MIA2: variants seen among roughly 807,000 people sequenced by gnomAD.
The protein encoded by MIA2 is MIA SH3 domain ER export factor 2.
Under a neutral mutation model 167.8 loss-of-function variants are expected in MIA2, and 127 were observed. That is an observed-to-expected ratio of 0.76 (90% confidence interval 0.66 to 0.88). MIA2 has a LOEUF of 0.88. Among genes scored for constraint, MIA2 ranks in the 40% least tolerant of loss-of-function variants. The probability of loss-of-function intolerance (pLI) is 0.00; values close to 1 mark genes in which losing one functional copy is unlikely to be tolerated. For missense variants in MIA2, 1,690 were observed against 1,624.7 expected (o/e 1.04, Z -0.69); for synonymous variants, 552 against 541.9 (o/e 1.02, Z -0.26).
In MIA2 at chr14:39,237,501, A is replaced by G. The variant is rs1299795767; in HGVS notation, c.249+446A>G. Among the ~76,000 whole-genome samples, 4 of 152,174 alleles carry G rather than the reference A, an allele frequency of 2.6e-5. No individual in the cohort carries two copies. The East Asian group carries it at 7.7e-4, about 29-fold the overall frequency. On this transcript the variant is annotated intron_variant, in intron 2 of 28. Transcript: ENST00000640607. ...ACGGTGTATATATTAAGAACCCTTA[A>G]TGTATTTAAACAAACAAAAATGATC... is the stretch of plus-strand genomic sequence containing the variant.
At chr14:39,376,081 G>C (rs901823283) in intron 23 of MIA2, among the ~76,000 whole-genome samples, 1 of 152,254 alleles carries the variant, frequency 6.6e-6, no homozygotes, top group East Asian at 1.9e-4. Context: ...AGCCTCCTGA[G>C]TAGCTGGGAT....
intron 23 of MIA2, among the ~76,000 whole-genome samples, chr14:39,360,697 TG>T (rs1415178704): frequency 6.6e-6 from 1 of 152,212 alleles, no homozygotes; most frequent in Non-Finnish European, 1.5e-5. Context: ...TTTTGTTACC[TG>T]TGCTTTTGAA....
chr14:39,348,679 G>T lies in MIA2; in HGVS notation c.3838-64G>T, dbSNP rs1430943925. 7 of 1,589,952 alleles carry T rather than the reference G, an allele frequency of 4.4e-6. No individual in the cohort carries two copies. The East Asian group carries it at 1.6e-4, about 36-fold the overall frequency. ...TCTAGATGATTTCTTCTAAGCCTGA[G>T]ATTTTCGGGAAAATGATTGCAAATT... On this transcript the variant is annotated intron_variant, in intron 27 of 28. Transcript: ENST00000640607.
chr14:39,253,644 G>GA (rs554288187), intron 6 of MIA2: 85,356 of 144,502 alleles, frequency 0.59, 26,081 homozygotes, highest in African/African-American at 0.81. Flanking sequence ...TCTTAAAAAA[G>GA]AAAAAAAAAA....
chr14:39,311,709 C>G (rs1334548428), intron 18 of MIA2, among the ~76,000 whole-genome samples: 1 of 151,420 alleles, frequency 6.6e-6, no homozygotes, highest in Admixed American at 6.6e-5. Flanking sequence ...AGGCTGGTCT[C>G]AAACTCCTGA....
intron 6 of MIA2, chr14:39,265,644 T>G: frequency 2.4e-6 from 1 of 410,044 alleles, no homozygotes; most frequent in Non-Finnish European, 4.3e-6. Flanking sequence ...GTTTTTTTTT[T>G]GTTTTTGTTT....
Position 39,288,470 on chromosome 14 carries a change from TATA to T in MIA2, c.2131-2548_2131-2546del, listed in dbSNP as rs1179061791. Among the ~76,000 whole-genome samples the T allele has an allele frequency of 2.5e-3, 103 of 41,598 alleles. 2 individuals are homozygous for T. Among genetic ancestry groups the T allele is most frequent in the African/African-American group, 8.2e-3 (55 of 6,734 alleles). 27.3% of individuals were successfully genotyped at this position (41,598 alleles called of 152,430 possible). A position where few individuals can be genotyped will look rare whatever the true frequency, so the allele number is the denominator to read the frequency against. ...ATATATATATATATATATATATATA[TATA>T]TATTTTTTTTTTTTTTTTTGAGACG... On this transcript the variant is annotated intron_variant, in intron 9 of 28. Coordinates refer to ENST00000640607, the MANE Select transcript of MIA2 (RefSeq NM_001329214.4).
At chr14:39,276,877 A>G in intron 6 of MIA2, 57 bp from the exon 7 acceptor site, 1 of 1,585,470 alleles carries the variant, frequency 6.3e-7, no homozygotes. Flanking sequence ...CTATGTTTGT[A>G]ATCAATATTT....
At chr14:39,385,846 C>T (rs1358341440) in intron 23 of MIA2, 5 of 965,226 alleles carry the variant, frequency 5.2e-6, no homozygotes, top group Admixed American at 3.4e-5. Flanking sequence ...CCCTTGTCCT[C>T]GACCTCTCCC....
chr14:39,344,889 C>G (rs2072879112), intron 25 of MIA2, among the ~76,000 whole-genome samples: 1 of 152,080 alleles, frequency 6.6e-6, no homozygotes, highest in African/African-American at 2.4e-5. Context: ...ACCGCAATTA[C>G]TTTTGCACCA....
At chr14:39,385,233 C>T (rs142912388) in intron 23 of MIA2, among the ~76,000 whole-genome samples, 2 of 152,288 alleles carry the variant, frequency 1.3e-5, no homozygotes, top group Non-Finnish European at 2.9e-5. Flanking sequence ...ACAAAACCAA[C>T]ACCCATGTCA....
At chr14:39,256,544 A>G (rs1594708104) in intron 6 of MIA2, among the ~76,000 whole-genome samples, 1 of 152,162 alleles carries the variant, frequency 6.6e-6, no homozygotes, top group African/African-American at 2.4e-5. Flanking sequence ...AAGTGATTCC[A>G]TCACATCAAA....
chr14:39,331,478 G>T (rs567801931), intron 25 of MIA2, among the ~76,000 whole-genome samples: 1 of 152,290 alleles, frequency 6.6e-6, no homozygotes, highest in African/African-American at 2.4e-5. Flanking sequence ...ATTGTTATGT[G>T]TGAATTTGAT....
chr14:39,351,886 C>T (rs894865575), downstream of MIA2, among the ~76,000 whole-genome samples: 1 of 152,130 alleles, frequency 6.6e-6, no homozygotes, highest in Non-Finnish European at 1.5e-5. Flanking sequence ...GGATTACAGG[C>T]GTGAGCCACC....
chr14:39,271,155 C>T (rs1022695154), intron 6 of MIA2, among the ~76,000 whole-genome samples: 1 of 152,088 alleles, frequency 6.6e-6, no homozygotes, highest in African/African-American at 2.4e-5. Flanking sequence ...AAGAATGGGT[C>T]TAGATTCATT....
At position 39,386,688 on chromosome 14, in the gene MIA2, T is replaced by C. The variant is rs1189326129; in HGVS notation, c.2249-197T>C. 2.0e-5 allele frequency: 23 copies of C among 1,164,174 alleles called. No homozygotes were observed. The East Asian group carries it at 3.5e-4, about 18-fold the overall frequency. 72.1% of individuals were successfully genotyped at this position (1,164,174 alleles called of 1,614,324 possible). A position where few individuals can be genotyped will look rare whatever the true frequency, so the allele number is the denominator to read the frequency against. On this transcript the variant is annotated intron_variant, in intron 23 of 23. Transcript: ENST00000341502. Reference sequence around the variant, plus strand: ...ATCAAAGACCTTCTCATTATTGTTATTGTTTTCTTGCCTCTTCCAATGCTT... The same window carrying C: ...ATCAAAGACCTTCTCATTATTGTTACTGTTTTCTTGCCTCTTCCAATGCTT...
chr14:39,280,945 GTC>G (rs71130836), intron 9 of MIA2, among the ~76,000 whole-genome samples: 69,605 of 118,480 alleles, frequency 0.59, 21,454 homozygotes, highest in African/African-American at 0.81. Context: ...TTGAGACAGC[GTC>G]TCTCTCTCTC....
intron 6 of MIA2, among the ~76,000 whole-genome samples, chr14:39,272,184 C>G (rs896343475): frequency 6.6e-6 from 1 of 152,094 alleles, no homozygotes; most frequent in Non-Finnish European, 1.5e-5. Context: ...AAACCCTTCT[C>G]TACTAAAGAT....
At chr14:39,294,603 CTTAACA>C (rs1270032041) in intron 12 of MIA2, among the ~76,000 whole-genome samples, 1 of 151,918 alleles carries the variant, frequency 6.6e-6, no homozygotes, top group Non-Finnish European at 1.5e-5. Flanking sequence ...TTGCTTGACA[CTTAACA>C]TTAATAGACA....
Sources: allele counts gnomAD v4.1 joint callset (sites outside exome capture counted in the v4.1 genomes callset), GRCh38; gene constraint gnomAD v4.1.1; transcripts MANE v1.5; gene names NCBI Gene and HGNC (gene_info 2026-07-23, HGNC 2026-07-21).